The following MMP2 variants were observed in gnomAD, a reference collection of about 807,000 sequenced individuals.
MMP2 encodes the protein matrix metallopeptidase 2.
MMP2 carries 39 observed loss-of-function variants against 74.8 expected under a neutral mutation model. That is an observed-to-expected ratio of 0.52 (90% CI 0.40 to 0.68). MMP2 has a LOEUF of 0.68. MMP2 is among the 30% of genes least tolerant of loss of function. The pLI is 0.00. For missense variants in MMP2, 803 were observed against 878.3 expected (o/e 0.91, Z 1.08); for synonymous variants, 367 against 339.8 (o/e 1.08, Z -0.88).
At position 55,479,980 on chromosome 16, in the gene MMP2, G is replaced by GCGC. The variant is rs370607504; in HGVS notation, c.153+348_153+349insCGC. On this transcript the variant is annotated intron_variant, in intron 1 of 12. Transcript: ENST00000219070. Reference sequence around the variant, plus strand: ...CCTCTAGTATCTGGGACATTTGGCGGGGGGGGGGGGCGGTCTTTGTAAACA... The same window carrying GCGC: ...CCTCTAGTATCTGGGACATTTGGCGGCGCGGGGGGGGGGCGGTCTTTGTAAACA... 2.1e-4 allele frequency: 3 copies of GCGC among 14,528 alleles called. No homozygotes were observed. The South Asian group carries it at 3.7e-3, about 18-fold the overall frequency. 0.9% of individuals were successfully genotyped at this position (14,528 alleles called of 1,614,324 possible).
Position 55,479,407 on chromosome 16 carries a change from A to G in MMP2, c.-73A>G. ...GCCCTGCGCCGCGGAGCAGGCTCCAACCAGGCGGCGAGGCGGCCACACGCA... is the reference window on the plus strand; with the variant it reads ...GCCCTGCGCCGCGGAGCAGGCTCCAGCCAGGCGGCGAGGCGGCCACACGCA... On this transcript the variant is annotated 5_prime_UTR_variant, in exon 1 of 13. Transcript: ENST00000219070. The G allele has an allele frequency of 7.2e-7, 1 of 1,393,544 alleles. No homozygotes were observed. The allele number at this position is 1,393,544 out of a possible 1,614,324, so 86.3% of individuals were successfully genotyped here.
At position 55,479,539 on chromosome 16, in the gene MMP2, G is replaced by A. The variant is rs1430869071; in HGVS notation, c.60G>A (p.Leu20=). Reference sequence around the variant, plus strand: ...GTCCCCTGAGGGCGCTCTGTCTCCTGGGCTGCCTGCTGAGCCACGCCGCCG... The same window carrying A: ...GTCCCCTGAGGGCGCTCTGTCTCCTAGGCTGCCTGCTGAGCCACGCCGCCG... ...LTGPLRALCL[L]GCLLSHAAAA... is the part of the protein sequence containing the mutation. Residue 20 remains leucine (L), a synonymous_variant, in exon 1 of 13, where the codon CTG becomes CTA. Coordinates refer to ENST00000219070, the MANE Select transcript of MMP2 (RefSeq NM_004530.6). 1 of 1,611,190 alleles carries A rather than the reference G, an allele frequency of 6.2e-7. No individual in the cohort carries two copies. Among genetic ancestry groups the A allele is most frequent in the Non-Finnish European group, 8.5e-7 (1 of 1,179,190 alleles).
chr16:55,500,371 T>G (rs1962635522), intron 11 of MMP2, among the ~76,000 whole-genome samples: 1 of 151,956 alleles, frequency 6.6e-6, no homozygotes. Context: ...AGCCCTGAAG[T>G]TTTCAAATTA....
rs772094379 is a variant in MMP2, at chr16:55,488,552, C to T, written c.842C>T (p.Thr281Ile). ...TCTCCCCCACCCTTAGCCCTGTTCACCATGGGCGGCAACGCTGAAGGACAG... is the reference window on the plus strand; with the variant it reads ...TCTCCCCCACCCTTAGCCCTGTTCATCATGGGCGGCAACGCTGAAGGACAG... Reference protein sequence around the residue: ...YGFCPHEALFTMGGNAEGQPC... With the variant: ...YGFCPHEALFIMGGNAEGQPC... Residue 281 changes from threonine to isoleucine, a missense_variant, in exon 6 of 13, where the codon ACC (threonine) becomes ATC (isoleucine). Transcript: ENST00000219070. 2.5e-6 allele frequency: 4 copies of T among 1,613,856 alleles called. No homozygotes were observed. The highest frequency in any genetic ancestry group is 3.4e-6 in the Non-Finnish European group (4 of 1,179,928).
chr16:55,491,609 A>G (rs536641002), intron 7 of MMP2, among the ~76,000 whole-genome samples, 192 bp from the exon 8 acceptor site: 8 of 152,270 alleles, frequency 5.3e-5, no homozygotes, highest in African/African-American at 1.7e-4. Flanking sequence ...AACAATAGGC[A>G]CTAATCCCAA....
intron 3 of MMP2, 125 bp downstream of exon 3, chr16:55,484,289 G>A (rs908963794): frequency 1.7e-6 from 2 of 1,179,882 alleles, no homozygotes; most frequent in Non-Finnish European, 2.4e-6. Flanking sequence ...GATGGTGTGG[G>A]CCCTGGGGGT....
At chr16:55,483,636 C>T (rs1962164360) in intron 2 of MMP2, among the ~76,000 whole-genome samples, 2 of 152,122 alleles carry the variant, frequency 1.3e-5, no homozygotes, top group South Asian at 2.1e-4. Context: ...GTGCTGGGTT[C>T]CAATGGTGGG....
At chr16:55,498,242 C>T (rs1320602015) in intron 10 of MMP2, 47 bp from the exon 11 acceptor site, 3 of 1,609,786 alleles carry the variant, frequency 1.9e-6, no homozygotes, top group Non-Finnish European at 2.5e-6. Flanking sequence ...ACAGGCTGGC[C>T]TAGGGCATGT....
rs992195401 is a variant in MMP2 at position 55,483,639 on chromosome 16, A to G, written c.381-377A>G. Among the ~76,000 whole-genome samples the G allele has an allele frequency of 3.9e-5, 6 of 152,224 alleles. No individual in the cohort carries two copies. The South Asian group carries it at 1.2e-3, about 32-fold the overall frequency. Reference sequence around the variant, plus strand: ...TCTGTATGGGTGGTGCTGGGTTCCAATGGTGGGATCTTTGCCCTGTGCCCC... The same window carrying G: ...TCTGTATGGGTGGTGCTGGGTTCCAGTGGTGGGATCTTTGCCCTGTGCCCC... On this transcript the variant is annotated intron_variant, in intron 2 of 12. Transcript: ENST00000219070.
chr16:55,504,490 CTT>C (rs1284249941), intron 12 of MMP2, among the ~76,000 whole-genome samples: 2 of 152,056 alleles, frequency 1.3e-5, no homozygotes, highest in Non-Finnish European at 2.9e-5. Flanking sequence ...GGTTGATAAT[CTT>C]TATCCTCATC....
chr16:55,483,130 A>G lies in MMP2; in HGVS notation c.375A>G (p.Thr125=). ...RKPKWDKNQI[T]YRIIGYTPDL... is the part of the protein sequence containing the mutation. ...CCAAGTGGGACAAGAACCAGATCAC[A>G]TACAGGTGCCGGGGCAGGGCTTGGG... Residue 125 remains threonine (T), a synonymous_variant, in exon 2 of 13, where the codon ACA becomes ACG. Transcript: ENST00000219070. The G allele has an allele frequency of 6.2e-7, 1 of 1,612,914 alleles. No homozygotes were observed. The highest frequency in any genetic ancestry group is 8.5e-7 in the Non-Finnish European group (1 of 1,178,914).
chr16:55,495,130 G>A (rs1298582605), intron 9 of MMP2, among the ~76,000 whole-genome samples: 1 of 152,226 alleles, frequency 6.6e-6, no homozygotes, highest in South Asian at 2.1e-4. Flanking sequence ...GACTTAGAAT[G>A]TAGTGAGAAA....
chr16:55,479,432 A>T lies in MMP2; in HGVS notation c.-48A>T. The T allele has an allele frequency of 7.0e-7, 1 of 1,434,382 alleles. No individual in the cohort carries two copies. 88.9% of individuals were successfully genotyped at this position (1,434,382 alleles called of 1,614,324 possible). A position where few individuals can be genotyped will look rare whatever the true frequency, so the allele number is the denominator to read the frequency against. ...ACCAGGCGGCGAGGCGGCCACACGC[A>T]CCGAGCCAGCGACCCCCGGGCGACG... On this transcript the variant is annotated 5_prime_UTR_variant, in exon 1 of 13. Transcript: ENST00000219070.
At chr16:55,490,401 G>A (rs561497778) in intron 7 of MMP2, among the ~76,000 whole-genome samples, 1 of 152,160 alleles carries the variant, frequency 6.6e-6, no homozygotes, top group Non-Finnish European at 1.5e-5. Flanking sequence ...GTGGGTCCTC[G>A]TCAGTCCTGG....
Position 55,484,148 on chromosome 16 carries a change from C to G in MMP2, c.513C>G (p.Ile171Met). The change falls in exon 3 of 13, where the codon ATC (isoleucine) becomes ATG (methionine). Residue 171 changes from isoleucine (I) to methionine (M), a missense_variant. Coordinates refer to ENST00000219070, the MANE Select transcript of MMP2 (RefSeq NM_004530.6). ...ATGATGGAGAGGCAGACATCATGAT[C>G]AACTTTGGCCGCTGGGGTAGGCAGA... ...RIHDGEADIM[I>M]NFGRWEHGDG... 6.2e-7 allele frequency: 1 copy of G among 1,614,126 alleles called. No homozygotes were observed. Among genetic ancestry groups the G allele is most frequent in the Non-Finnish European group, 8.5e-7 (1 of 1,180,034 alleles).
Position 55,485,650 on chromosome 16 carries a change from C to T in MMP2, c.705C>T (p.Phe235=), listed in dbSNP as rs1433392876. ...YGNADGEYCK[F]PFLFNGKEYN... The stretch of plus-strand genomic sequence containing the variant: ...ACGCCGATGGGGAGTACTGCAAGTT[C>T]CCCTTCTTGTTCAATGGCAAGGAGT... The change falls in exon 5 of 13, where the codon TTC becomes TTT. Residue 235 remains phenylalanine (F), a synonymous_variant. Coordinates refer to ENST00000219070, the MANE Select transcript of MMP2 (RefSeq NM_004530.6). 2 of 1,614,134 alleles carry T rather than the reference C, an allele frequency of 1.2e-6. No homozygotes were observed. The highest frequency in any genetic ancestry group is 1.7e-5 in the Admixed American group (1 of 60,028).
chr16:55,505,066 G>A (rs1001532018), intron 12 of MMP2, among the ~76,000 whole-genome samples: 5 of 151,850 alleles, frequency 3.3e-5, no homozygotes, highest in Admixed American at 6.6e-5. Context: ...ACCCTCCCAC[G>A]TCAGCCTCCT....
At chr16:55,481,741 C>T in intron 1 of MMP2, 1 of 665,728 alleles carries the variant, frequency 1.5e-6, no homozygotes. Flanking sequence ...GGCTTCAAAT[C>T]AAAGAGTGCA....
intron 7 of MMP2, among the ~76,000 whole-genome samples, chr16:55,490,105 C>T (rs1319413955): frequency 6.6e-6 from 1 of 152,182 alleles, no homozygotes; most frequent in Non-Finnish European, 1.5e-5. Context: ...ACTGGCCTTC[C>T]TGAGGGGTCA....
Sources: allele counts gnomAD v4.1 joint callset (sites outside exome capture counted in the v4.1 genomes callset), GRCh38; gene constraint gnomAD v4.1.1; transcripts MANE v1.5; gene names NCBI Gene and HGNC (gene_info 2026-07-23, HGNC 2026-07-21).